The following ZNF484 variants were observed in gnomAD, a reference collection of about 807,000 sequenced individuals.
ZNF484 encodes KRAB box containing C2H2 type zinc finger bA526D8.4.
ZNF484 carries 11 observed loss-of-function variants against 12.9 expected under a neutral mutation model. That is an observed-to-expected ratio of 0.85 (90% CI 0.54 to 1.41). The LOEUF is 1.41. ZNF484 is among the 40% of genes most tolerant of loss of function. The pLI is 0.00. For synonymous variants in ZNF484, 289 were observed against 334.1 expected (o/e 0.86, Z 1.47); for missense variants, 807 against 1,007.7 (o/e 0.80, Z 2.70).
chr9:92,847,158 C>T lies in ZNF484; in HGVS notation c.1629G>A (p.Gln543=). The part of the protein sequence containing the change: ...FTWKSRLRIH[Q]KCHTGERHYE... ...AATGTCTCTCTCCAGTATGACACTTCTGATGTATCCTGAGCCGAGACTTCC... is the reference window on the plus strand; with the variant it reads ...AATGTCTCTCTCCAGTATGACACTTTTGATGTATCCTGAGCCGAGACTTCC... Residue 543 remains glutamine (Q), a synonymous_variant, in exon 5 of 5, where the codon CAG becomes CAA. Transcript: ENST00000375495. 6.2e-7 allele frequency: 1 copy of T among 1,614,050 alleles called. No homozygotes were observed. Among genetic ancestry groups the T allele is most frequent in the Non-Finnish European group, 8.5e-7 (1 of 1,180,000 alleles).
intron 2 of ZNF484, among the ~76,000 whole-genome samples, chr9:92,858,065 CA>C (rs57527514): frequency 0.08 from 12,156 of 151,936 alleles, 594 homozygotes; most frequent in South Asian, 0.2. Flanking sequence ...TTAAAACAAA[CA>C]AAAAAATCCT....
Position 92,846,128 on chromosome 9 carries a change from C to G in ZNF484, c.*100G>C. ...GCTTGACAACACCAATATCAAGTAA[C>G]CAAAGATGGCCACTATACATTGCTT... On this transcript the variant is annotated 3_prime_UTR_variant, in exon 5 of 5. Coordinates refer to ENST00000375495, the MANE Select transcript of ZNF484 (RefSeq NM_031486.4). The G allele has an allele frequency of 4.0e-6, 5 of 1,240,288 alleles. No homozygotes were observed. The highest frequency in any genetic ancestry group is 4.5e-6 in the Non-Finnish European group (4 of 891,464). 76.8% of individuals were successfully genotyped at this position (1,240,288 alleles called of 1,614,324 possible).
chr9:92,856,433 A>C, intron 2 of ZNF484, 115 bp from the exon 3 acceptor site: 1 of 788,284 alleles, frequency 1.3e-6, no homozygotes, highest in Non-Finnish European at 1.9e-6. Context: ...ACAAGATAGG[A>C]CCTTATTTTT....
chr9:92,847,837 T>C lies in ZNF484; in HGVS notation c.950A>G (p.Asn317Ser), dbSNP rs771114201. ...EYEKDFSLKS[N>S]RQKTPYEGNY... ...CCCCTCATAAGGAGTTTTCTGACGG[T>C]TTGACTTGAGGGAAAAATCCTTCTC... The change falls in exon 5 of 5, where the codon AAC (asparagine) becomes AGC (serine). Residue 317 changes from asparagine to serine, a missense_variant. Coordinates refer to ENST00000375495, the MANE Select transcript of ZNF484 (RefSeq NM_031486.4). 4 of 1,614,134 alleles carry C rather than the reference T, an allele frequency of 2.5e-6. No individual in the cohort carries two copies. Among genetic ancestry groups the C allele is most frequent in the Non-Finnish European group, 2.5e-6 (3 of 1,180,028 alleles).
chr9:92,853,854 A>T (rs1276229345), intron 4 of ZNF484, among the ~76,000 whole-genome samples: 2 of 152,206 alleles, frequency 1.3e-5, no homozygotes, highest in Admixed American at 1.3e-4. Flanking sequence ...CTTGGTTCAG[A>T]TGTCAAGAGT....
At chr9:92,865,028 CAGAG>C (rs1199904785) in intron 2 of ZNF484, among the ~76,000 whole-genome samples, 2 of 151,482 alleles carry the variant, frequency 1.3e-5, no homozygotes, top group African/African-American at 2.4e-5. Flanking sequence ...CACACACACA[CAGAG>C]AGAGAGAGAA....
intron 4 of ZNF484, among the ~76,000 whole-genome samples, chr9:92,852,990 C>A (rs567412050): frequency 1.3e-5 from 2 of 152,320 alleles, no homozygotes; most frequent in South Asian, 2.1e-4. Context: ...CATATTCTTT[C>A]TCTAGCTTAC....
At chr9:92,849,922 C>T (rs1855963999) in intron 4 of ZNF484, among the ~76,000 whole-genome samples, 2 of 152,174 alleles carry the variant, frequency 1.3e-5, no homozygotes, top group African/African-American at 2.4e-5. Context: ...GTGCCTCAGC[C>T]TCATGAGTGG....
rs573972664 is a variant in ZNF484, at chr9:92,859,648, C to T, written c.16-3330G>A. 4.6e-5 allele frequency among the ~76,000 whole-genome samples: 7 copies of T among 152,324 alleles called. No individual in the cohort carries two copies. The South Asian group carries it at 1.2e-3, about 27-fold the overall frequency. ...AGAACACCCTCACTTCTGACACCTA[C>T]TGCAAGCAGAGGGATTTCCCAGGAT... On this transcript the variant is annotated intron_variant, in intron 2 of 4. Transcript: ENST00000375495.
chr9:92,875,409 C>G (rs1264962916), intron 1 of ZNF484, among the ~76,000 whole-genome samples: 1 of 152,214 alleles, frequency 6.6e-6, no homozygotes, highest in Non-Finnish European at 1.5e-5. Context: ...TAACTCCTCA[C>G]TACCACTCTT....
At chr9:92,849,071 G>A (rs1855896881) in intron 4 of ZNF484, among the ~76,000 whole-genome samples, 1 of 152,024 alleles carries the variant, frequency 6.6e-6, no homozygotes, top group African/African-American at 2.4e-5. Flanking sequence ...AGACCAGCCT[G>A]GCCAACATGG....
intron 2 of ZNF484, among the ~76,000 whole-genome samples, chr9:92,868,305 A>C (rs1587763270): frequency 6.6e-6 from 1 of 152,044 alleles, no homozygotes; most frequent in African/African-American, 2.4e-5. Flanking sequence ...CAGGTCGACA[A>C]CTCCAAGAGG....
In ZNF484 at chr9:92,846,971, T is replaced by A; in HGVS notation, c.1816A>T (p.Lys606Ter). The change falls in exon 5 of 5, where the codon AAA (lysine) becomes TAA (stop). Residue 606 changes from lysine to a stop codon, truncating the protein, a stop_gained. Transcript: ENST00000375495. LOFTEE classifies it low-confidence loss of function (END_TRUNC). ...ITHERIHTGEKPYECSICGKS... is the reference protein window; with the variant it reads ...ITHERIHTGE The stretch of plus-strand genomic sequence containing the variant: ...CCACAAATACTGCATTCATAGGGTT[T>A]CTCTCCAGTATGAATTCTCTCATGT... 6.2e-7 allele frequency: 1 copy of A among 1,614,162 alleles called. No homozygotes were observed. Among genetic ancestry groups the A allele is most frequent in the South Asian group, 1.1e-5 (1 of 91,080 alleles).
chr9:92,846,531 G>C lies in ZNF484; in HGVS notation c.2256C>G (p.Asp752Glu). Residue 752 changes from aspartate to glutamate, a missense_variant, in exon 5 of 5, where the codon GAC (aspartate) becomes GAG (glutamate). Physicochemically the swap from Asp to Glu is conservative, Grantham distance 45. Coordinates refer to ENST00000375495, the MANE Select transcript of ZNF484 (RefSeq NM_031486.4). The stretch of plus-strand genomic sequence containing the variant: ...ATTTCTTAATGAAAGACTTGCCACA[G>C]TCACTGCATTCATAGGGTTTCTCTC... ...HTGEKPYECS[D>E]CGKSFIKKSQ... 2 of 1,613,898 alleles carry C rather than the reference G, an allele frequency of 1.2e-6. No individual in the cohort carries two copies.
In ZNF484 at chr9:92,847,191, T is replaced by C. The variant is rs750177564; in HGVS notation, c.1596A>G (p.Ser532=). 3 of 1,613,960 alleles carry C rather than the reference T, an allele frequency of 1.9e-6. No individual in the cohort carries two copies. Among genetic ancestry groups the C allele is most frequent in the Non-Finnish European group, 2.5e-6 (3 of 1,179,982 alleles). The change falls in exon 5 of 5, where the codon TCA becomes TCG. Residue 532 remains serine (S), a synonymous_variant. Coordinates refer to ENST00000375495, the MANE Select transcript of ZNF484 (RefSeq NM_031486.4). ...KPYKCSDCGK[S]FTWKSRLRIH... ...TCCTGAGCCGAGACTTCCAGGTGAA[T>C]GATTTTCCACAGTCGCTGCATTTAT...
Position 92,847,499 on chromosome 9 carries a change from G to T in ZNF484, c.1288C>A (p.His430Asn). ...AFIRKSHFIT[H>N]ERIHTGEKPY... is the part of the protein sequence containing the mutation. ...TTTTCTCCAGTATGAATTCTTTCAT[G>T]TGTGATAAAATGTGACTTCCGGATA... The change falls in exon 5 of 5, where the codon CAT becomes AAT. Residue 430 changes from histidine to asparagine, a missense_variant. Physicochemically the swap from His to Asn is moderately conservative, Grantham distance 68 (BLOSUM62 1). Transcript: ENST00000375495. 4 of 1,612,904 alleles carry T rather than the reference G, an allele frequency of 2.5e-6. No homozygotes were observed. Among genetic ancestry groups the T allele is most frequent in the Non-Finnish European group, 3.4e-6 (4 of 1,179,614 alleles).
intron 2 of ZNF484, chr9:92,862,154 T>C: frequency 1.0e-6 from 1 of 974,760 alleles, no homozygotes; most frequent in Non-Finnish European, 1.2e-6. Context: ...CATTGGTAGT[T>C]GAGAAAGAAG....
Position 92,847,194 on chromosome 9 carries a change from T to C in ZNF484, c.1593A>G (p.Lys531=), listed in dbSNP as rs1855684034. 1 of 1,614,006 alleles carries C rather than the reference T, an allele frequency of 6.2e-7. No homozygotes were observed. The highest frequency in any genetic ancestry group is 1.7e-5 in the Admixed American group (1 of 59,996). The change falls in exon 5 of 5, where the codon AAA becomes AAG. Residue 531 remains lysine, a synonymous_variant. Transcript: ENST00000375495. ...EKPYKCSDCG[K]SFTWKSRLRI... is the part of the protein sequence containing the mutation. ...TGAGCCGAGACTTCCAGGTGAATGA[T>C]TTTCCACAGTCGCTGCATTTATAAG...
At chr9:92,869,471 C>T (rs1206893260) in intron 2 of ZNF484, among the ~76,000 whole-genome samples, 1 of 152,172 alleles carries the variant, frequency 6.6e-6, no homozygotes, top group Non-Finnish European at 1.5e-5. Flanking sequence ...CCTATAATTC[C>T]AGCACTTTGG....
Sources: allele counts gnomAD v4.1 joint callset (sites outside exome capture counted in the v4.1 genomes callset), GRCh38; gene constraint gnomAD v4.1.1; transcripts MANE v1.5; gene names NCBI Gene and HGNC (gene_info 2026-07-23, HGNC 2026-07-21).